The following PLCD4 variants were observed in gnomAD, a reference collection of about 807,000 sequenced individuals.
PLCD4 encodes 1-phosphatidylinositol 4,5-bisphosphate phosphodiesterase delta-4.
In PLCD4, 63 loss-of-function variants were observed where a neutral mutation model predicts 90.2. The observed-to-expected ratio is 0.70, with a 90% CI of 0.57 to 0.86. PLCD4 has a LOEUF of 0.86. Among genes scored for constraint, PLCD4 ranks in the 40% least tolerant of loss-of-function variants. The probability of loss-of-function intolerance (pLI) is 0.00; values close to 1 mark genes in which losing one functional copy is unlikely to be tolerated. For synonymous variants in PLCD4, 294 were observed against 356.5 expected, an observed-to-expected ratio of 0.82 and a Z score of 1.97; for missense variants, 830 against 956.3, an observed-to-expected ratio of 0.87 and a Z score of 1.74.
Position 218,636,616 on chromosome 2 carries a change from A to C in PLCD4, c.*39A>C. The C allele has an allele frequency of 6.3e-7, 1 of 1,580,746 alleles. No homozygotes were observed. The highest frequency in any genetic ancestry group is 8.7e-7 in the Non-Finnish European group (1 of 1,152,762). ...CGGGAAGGGTTGGTGTGCTGGCTTT[A>C]GACGGGGAGAAACATCTGGAAGGAT... is the stretch of plus-strand genomic sequence containing the variant. On this transcript the variant is annotated 3_prime_UTR_variant, in exon 16 of 16. Transcript: ENST00000450993.
At position 218,634,034 on chromosome 2, in the gene PLCD4, CA is replaced by C; in HGVS notation, c.1607-70del. 5.2e-6 allele frequency: 8 copies of C among 1,532,928 alleles called. No homozygotes were observed. Among genetic ancestry groups the C allele is most frequent in the Non-Finnish European group, 7.1e-6 (8 of 1,133,424 alleles). 95.0% of individuals were successfully genotyped at this position (1,532,928 alleles called of 1,614,324 possible). Reference sequence around the variant, plus strand: ...GCTGGAGAGAAGGGTGAAGAGTAGGCATGGTCCTTGGGACTAGGGAAGTGGG... The same window carrying C: ...GCTGGAGAGAAGGGTGAAGAGTAGGCTGGTCCTTGGGACTAGGGAAGTGGG... On this transcript the variant is annotated intron_variant, in intron 11 of 15. Coordinates refer to ENST00000450993, the MANE Select transcript of PLCD4 (RefSeq NM_032726.4). The surrounding 1 kb of genome is among the most constrained non-coding windows in gnomAD (Gnocchi z 4.0).
At chr2:218,611,630 A>G (rs932263619) in intron 1 of PLCD4, among the ~76,000 whole-genome samples, 1 of 151,968 alleles carries the variant, frequency 6.6e-6, no homozygotes, top group Non-Finnish European at 1.5e-5. Flanking sequence ...AGAGAGTCTC[A>G]CTCCGTCACC....
rs186300662 is a variant in PLCD4 at position 218,628,691 on chromosome 2, A to G, written c.974+461A>G. On this transcript the variant is annotated intron_variant, in intron 7 of 15. Transcript: ENST00000450993. ...GCCTATTCTGTCTGGGTTGTTGTGA[A>G]GAGATAATTCATATGTCAATAGCTA... 9.7e-4 allele frequency: 156 copies of G among 161,058 alleles called. 4 individuals carry two copies. The East Asian group carries it at 0.024, about 25-fold the overall frequency. The allele number at this position is 161,058 out of a possible 1,614,324, so 10.0% of individuals were successfully genotyped here.
Position 218,637,122 on chromosome 2 carries a change from C to T in PLCD4, c.*545C>T. On this transcript the variant is annotated 3_prime_UTR_variant, in exon 16 of 16. Coordinates refer to ENST00000450993, the MANE Select transcript of PLCD4 (RefSeq NM_032726.4). ...GAACACTGCACAGCACTCAAAGTCC[C>T]CCACTGGACTGCTTCCTCCTTAGCC... is the stretch of plus-strand genomic sequence containing the variant. 1 of 323,016 alleles carries T rather than the reference C, an allele frequency of 3.1e-6. No individual in the cohort carries two copies. 20.0% of individuals were successfully genotyped at this position (323,016 alleles called of 1,614,324 possible).
chr2:218,622,495 C>T, intron 5 of PLCD4, 152 bp from the exon 6 acceptor site: 1 of 510,674 alleles, frequency 2.0e-6, no homozygotes, highest in Non-Finnish European at 3.4e-6. Context: ...GCTTATTTCA[C>T]ATTGCATGCC....
chr2:218,634,247 G>A lies in PLCD4; in HGVS notation c.1723+26G>A, dbSNP rs1167260914. ...GTGAGGAGGCAGCAGGGACTGGGAA[G>A]AGGGAGTGGAGGAGCAGCAGGTGGG... is the stretch of plus-strand genomic sequence containing the variant. On this transcript the variant is annotated intron_variant, in intron 12 of 15. Coordinates refer to ENST00000450993, the MANE Select transcript of PLCD4 (RefSeq NM_032726.4). The surrounding 1 kb of genome is among the most constrained non-coding windows in gnomAD (Gnocchi z 4.0). 2.5e-6 allele frequency: 4 copies of A among 1,595,660 alleles called. No individual in the cohort carries two copies. Among genetic ancestry groups the A allele is most frequent in the Non-Finnish European group, 2.6e-6 (3 of 1,170,874 alleles).
At position 218,621,518 on chromosome 2, in the gene PLCD4, G is replaced by A. The variant is rs1277691457; in HGVS notation, c.459G>A (p.Lys153=). ...GTGGAGACAAAAATCAGGATGGTAA[G>A]ATGAGTTTCCAAGAAGTTCAGCGGT... is the stretch of plus-strand genomic sequence containing the variant. The part of the protein sequence containing the change: ...FQRGDKNQDG[K]MSFQEVQRLL... Residue 153 remains lysine (K), a synonymous_variant, in exon 5 of 16, where the codon AAG becomes AAA. Transcript: ENST00000450993. 2 of 1,613,914 alleles carry A rather than the reference G, an allele frequency of 1.2e-6. No individual in the cohort carries two copies. Among genetic ancestry groups the A allele is most frequent in the Non-Finnish European group, 1.7e-6 (2 of 1,179,882 alleles).
intron 6 of PLCD4, among the ~76,000 whole-genome samples, chr2:218,627,415 C>G (rs1696163975): frequency 6.6e-6 from 1 of 151,532 alleles, no homozygotes; most frequent in Non-Finnish European, 1.5e-5. Context: ...AAACGTTTTT[C>G]TCTTTAGTAC....
chr2:218,616,182 A>G (rs1307573707), intron 3 of PLCD4, 120 bp downstream of exon 3: 3 of 1,151,322 alleles, frequency 2.6e-6, no homozygotes, highest in Non-Finnish European at 2.4e-6. Context: ...TTGTGGCTAT[A>G]TCTGAGCCTG....
chr2:218,625,888 C>A (rs1215932271), intron 6 of PLCD4, among the ~76,000 whole-genome samples: 1 of 151,988 alleles, frequency 6.6e-6, no homozygotes, highest in Non-Finnish European at 1.5e-5. Flanking sequence ...GAGTGGAAAT[C>A]GAACCACAGC....
chr2:218,621,595 T>G lies in PLCD4; in HGVS notation c.536T>G (p.Phe179Cys). The G allele has an allele frequency of 6.2e-7, 1 of 1,613,774 alleles. No individual in the cohort carries two copies. Among genetic ancestry groups the G allele is most frequent in the South Asian group, 1.1e-5 (1 of 91,076 alleles). ...EMDQEYAFSL[F>C]QAADTSQSGT... The stretch of plus-strand genomic sequence containing the variant: ...GACCAAGAATATGCCTTCAGTCTTT[T>G]TCAGGTGAGTCTGTGGGGAAGGATT... Residue 179 changes from phenylalanine to cysteine, a missense_variant, in exon 5 of 16, where the codon TTT (phenylalanine) becomes TGT (cysteine). By Grantham distance (205) the Phe-to-Cys change is radical (BLOSUM62 -2). Coordinates refer to ENST00000450993, the MANE Select transcript of PLCD4 (RefSeq NM_032726.4).
At chr2:218,627,922 C>T in intron 6 of PLCD4, 107 bp from the exon 7 acceptor site, 1 of 1,051,932 alleles carries the variant, frequency 9.5e-7, no homozygotes, top group Non-Finnish European at 1.4e-6. Flanking sequence ...TGGGTGCCAT[C>T]TGAAAGGCAG....
chr2:218,632,217 C>A lies in PLCD4; in HGVS notation c.1354C>A (p.Pro452Thr), dbSNP rs774442158. 2 of 1,611,406 alleles carry A rather than the reference C, an allele frequency of 1.2e-6. No homozygotes were observed. Among genetic ancestry groups the A allele is most frequent in the South Asian group, 2.2e-5 (2 of 90,164 alleles). Residue 452 changes from proline (P) to threonine (T), a missense_variant, in exon 10 of 16, where the codon CCT (proline) becomes ACT (threonine). Physicochemically the swap from Pro to Thr is conservative, Grantham distance 38. Transcript: ENST00000450993. ...GGAATATGAGGAAGAGGAAGCAGAA[C>A]CTGAGTTGGAAGAGTCAGAATTGGC... ...DLEYEEEEAE[P>T]ELEESELALE...
intron 5 of PLCD4, 99 bp downstream of exon 5, chr2:218,621,698 C>A: frequency 6.9e-7 from 1 of 1,453,624 alleles, no homozygotes. Flanking sequence ...ATTGTTAAAT[C>A]TCTGCTATGT....
At chr2:218,616,973 G>T (rs1181110105) in intron 3 of PLCD4, among the ~76,000 whole-genome samples, 1 of 113,640 alleles carries the variant, frequency 8.8e-6, no homozygotes, top group African/African-American at 3.2e-5. Context: ...GAGAGAGAGA[G>T]AGAGAGAGAG....
chr2:218,615,727 G>A lies in PLCD4; in HGVS notation c.-13G>A. 1 of 1,602,184 alleles carries A rather than the reference G, an allele frequency of 6.2e-7. No homozygotes were observed. ...TTTAGGTGATCTGGTGCCAGCTGGT[G>A]GAACAGTGGGTGATGGCGTCCCTGC... On this transcript the variant is annotated 5_prime_UTR_variant, in exon 2 of 16. Coordinates refer to ENST00000450993, the MANE Select transcript of PLCD4 (RefSeq NM_032726.4).
At chr2:218,610,293 G>A (rs1044615155) in intron 1 of PLCD4, among the ~76,000 whole-genome samples, 5 of 151,916 alleles carry the variant, frequency 3.3e-5, no homozygotes, top group Non-Finnish European at 7.4e-5. Flanking sequence ...GATCATCTGA[G>A]GTCAGGAGTT....
chr2:218,618,874 C>A (rs956514336), intron 4 of PLCD4, 67 bp downstream of exon 4: 2 of 1,467,380 alleles, frequency 1.4e-6, no homozygotes, highest in African/African-American at 2.8e-5. Flanking sequence ...CCAGATGCAA[C>A]AGGTTTAGGA....
At chr2:218,622,433 TTG>T (rs1695927269) in intron 5 of PLCD4, 1 of 393,174 alleles carries the variant, frequency 2.5e-6, no homozygotes, top group South Asian at 7.6e-5. Context: ...GTCTGTAAAA[TTG>T]CTTTTACAGT....
Sources: gnomAD v4.1 joint callset for allele counts (sites outside exome capture counted in the v4.1 genomes callset) on GRCh38, gnomAD v4.1.1 for gene constraint, Gnocchi (gnomAD v3.1) non-coding constraint, MANE v1.5 for transcripts, NCBI Gene and HGNC (gene_info 2026-07-23, HGNC 2026-07-21) for gene names.